The following RPGRIP1 variants were observed in gnomAD, a reference collection of about 807,000 sequenced individuals.
RPGRIP1 encodes the protein RPGR interacting protein 1, also known as X-linked retinitis pigmentosa GTPase regulator-interacting protein 1.
RPGRIP1 carries 128 observed loss-of-function variants against 157.9 expected under a neutral mutation model. The ratio of observed to expected loss-of-function variants is 0.81; its 90% CI spans 0.70 to 0.94. The LOEUF (loss-of-function observed/expected upper bound fraction) is 0.94, where lower values mean the gene tolerates loss of function less well. RPGRIP1 is among the 40% of genes least tolerant of loss of function. The probability of loss-of-function intolerance (pLI) is 0.00; values close to 1 mark genes in which losing one functional copy is unlikely to be tolerated. For synonymous variants in RPGRIP1, 554 were observed against 571.6 expected (o/e 0.97, Z 0.44); for missense variants, 1,486 against 1,545.8 (o/e 0.96, Z 0.65).
chr14:21,303,735 C>T (rs773361627), intron 6 of RPGRIP1, among the ~76,000 whole-genome samples, 192 bp downstream of exon 6: 1 of 152,070 alleles, frequency 6.6e-6, no homozygotes, highest in Non-Finnish European at 1.5e-5. Flanking sequence ...GCCTGTAATC[C>T]CAGCACTTTG....
chr14:21,316,949 G>A (rs1464573149), intron 10 of RPGRIP1, among the ~76,000 whole-genome samples: 20 of 151,616 alleles, frequency 1.3e-4, no homozygotes, highest in African/African-American at 3.1e-4. Context: ...GTAAAACCCC[G>A]TCTCTATTAA....
chr14:21,314,051 A>G (rs1422289023), intron 10 of RPGRIP1, among the ~76,000 whole-genome samples: 1 of 151,218 alleles, frequency 6.6e-6, no homozygotes, highest in Non-Finnish European at 1.5e-5. Flanking sequence ...AGGCTCAAGC[A>G]ATCTTCCCAC....
chr14:21,309,398 G>C (rs1012293862), intron 7 of RPGRIP1, among the ~76,000 whole-genome samples: 2 of 152,076 alleles, frequency 1.3e-5, no homozygotes, highest in Non-Finnish European at 2.9e-5. Context: ...TGTAGTCCTA[G>C]CTACTATGGA....
chr14:21,328,673 TC>T lies in RPGRIP1; in HGVS notation c.3099+50del, dbSNP rs758839636. ...AAGCACTAAATTGTGGGTTGTAGTG[TC>T]CCCAGATGTATTATTCTCAGAGGTA... On this transcript the variant is annotated intron_variant, in intron 19 of 24. Transcript: ENST00000400017. 31 of 1,290,500 alleles carry T rather than the reference TC, an allele frequency of 2.4e-5. No individual in the cohort carries two copies. In the South Asian group the frequency reaches 3.7e-4, roughly 15 times the overall value. The allele number at this position is 1,290,500 out of a possible 1,614,324, so 79.9% of individuals were successfully genotyped here.
Position 21,328,558 on chromosome 14 carries a change from A to G in RPGRIP1, c.3030A>G (p.Arg1010=). 2.5e-6 allele frequency: 4 copies of G among 1,613,778 alleles called. No individual in the cohort carries two copies. The highest frequency in any genetic ancestry group is 3.4e-6 in the Non-Finnish European group (4 of 1,179,740). Reference sequence around the variant, plus strand: ...ACTCAAGAAGAAAACATGGCAAAAGAATAGGTGTTCAAGGAAAGAATAGAA... The same window carrying G: ...ACTCAAGAAGAAAACATGGCAAAAGGATAGGTGTTCAAGGAAAGAATAGAA... ...VSYSRRKHGK[R]IGVQGKNRME... is the part of the protein sequence containing the mutation. Residue 1010 remains arginine (R), a synonymous_variant, in exon 19 of 25, where the codon AGA becomes AGG. Coordinates refer to ENST00000400017, the MANE Select transcript of RPGRIP1 (RefSeq NM_020366.4).
At chr14:21,348,076 A>G in intron 23 of RPGRIP1, 96 bp from the exon 24 acceptor site, 1 of 1,027,050 alleles carries the variant, frequency 9.7e-7, no homozygotes. Flanking sequence ...TGATTCAGAG[A>G]AGACGTTGTA....
chr14:21,309,261 C>T (rs146754574), intron 7 of RPGRIP1, among the ~76,000 whole-genome samples: 179 of 152,204 alleles, frequency 1.2e-3, no homozygotes, highest in African/African-American at 2.7e-3. Context: ...CCTGTAATCC[C>T]AGCACTTTGG....
chr14:21,345,509 T>A (rs969576262), intron 23 of RPGRIP1, among the ~76,000 whole-genome samples: 1 of 150,626 alleles, frequency 6.6e-6, no homozygotes, highest in African/African-American at 2.4e-5. Context: ...CTCAAGGGAT[T>A]CTTGTGCCTC....
chr14:21,350,584 T>A (rs1041084462), intron 24 of RPGRIP1, among the ~76,000 whole-genome samples: 5 of 152,180 alleles, frequency 3.3e-5, no homozygotes, highest in African/African-American at 1.2e-4. Flanking sequence ...TCCTCTAGTA[T>A]CTTTCCAACT....
rs766799083 is a variant in RPGRIP1 at position 21,304,474 on chromosome 14, T to C, written c.800+931T>C. Among the ~76,000 whole-genome samples, 12 of 151,676 alleles carry C rather than the reference T, an allele frequency of 7.9e-5. 1 individual carries two copies. The highest frequency in any genetic ancestry group is 5.9e-4 in the East Asian group (3 of 5,082). On this transcript the variant is annotated intron_variant, in intron 6 of 24. Transcript: ENST00000400017. ...AACCTAAAGGAGATAAGTTTATGTA[T>C]AAAAGGATATTTGCTGCCTCACTAT...
chr14:21,330,344 C>A lies in RPGRIP1; in HGVS notation c.3195C>A (p.Ser1065=). ...ACGAGGAAGAGGAAATGACATTATCCCATTCAGCACTGAAACAGAAGGAAC... is the reference window on the plus strand; with the variant it reads ...ACGAGGAAGAGGAAATGACATTATCACATTCAGCACTGAAACAGAAGGAAC... ...NQHEEEEMTL[S]HSALKQKEPL... is the part of the protein sequence containing the mutation. The change falls in exon 20 of 25, where the codon TCC becomes TCA. Residue 1065 remains serine, a synonymous_variant. Coordinates refer to ENST00000400017, the MANE Select transcript of RPGRIP1 (RefSeq NM_020366.4). 6.4e-7 allele frequency: 1 copy of A among 1,572,860 alleles called. No individual in the cohort carries two copies.
intron 13 of RPGRIP1, 115 bp downstream of exon 13, chr14:21,321,517 A>G (rs1882469249): frequency 6.7e-7 from 1 of 1,483,750 alleles, no homozygotes; most frequent in Non-Finnish European, 8.9e-7. Context: ...GTGATGTGCT[A>G]TCCTGAGCAA....
At chr14:21,320,370 G>C (rs1882278072) in intron 12 of RPGRIP1, among the ~76,000 whole-genome samples, 193 bp downstream of exon 12, 1 of 151,794 alleles carries the variant, frequency 6.6e-6, no homozygotes, top group Non-Finnish European at 1.5e-5. Flanking sequence ...GCTCACTGCA[G>C]GCTCCGCCCC....
intron 6 of RPGRIP1, among the ~76,000 whole-genome samples, chr14:21,307,077 A>G (rs1881346559): frequency 6.6e-6 from 1 of 151,794 alleles, no homozygotes; most frequent in Non-Finnish European, 1.5e-5. Context: ...CTCGGCCACT[A>G]TTGTTATTTT....
At chr14:21,304,399 GA>G in intron 6 of RPGRIP1, among the ~76,000 whole-genome samples, 1 of 95,030 alleles carries the variant, frequency 1.1e-5, no homozygotes. Context: ...GAGAAAGAAA[GA>G]AAGAAAGAAA....
chr14:21,287,135 C>T (rs1222080499), intron 1 of RPGRIP1, among the ~76,000 whole-genome samples: 11 of 151,722 alleles, frequency 7.3e-5, no homozygotes, highest in Admixed American at 3.9e-4. Context: ...TGGTGGCTCA[C>T]GCCTGTAATC....
At chr14:21,300,226 ACT>A (rs1249100303) in intron 3 of RPGRIP1, among the ~76,000 whole-genome samples, 1 of 151,158 alleles carries the variant, frequency 6.6e-6, no homozygotes, top group Non-Finnish European at 1.5e-5. Flanking sequence ...AATCGCTTGA[ACT>A]TGGGAGGCAG....
intron 21 of RPGRIP1, among the ~76,000 whole-genome samples, chr14:21,335,808 A>G (rs1884302273): frequency 6.6e-6 from 1 of 152,208 alleles, no homozygotes; most frequent in Non-Finnish European, 1.5e-5. Context: ...CTACGTCTCA[A>G]AAAAAAGAGA....
intron 10 of RPGRIP1, among the ~76,000 whole-genome samples, chr14:21,314,763 T>G (rs187873614): frequency 8.7e-5 from 13 of 150,060 alleles, no homozygotes; most frequent in South Asian, 2.1e-4. Flanking sequence ...GGCTCATGCC[T>G]GTACTTCTAG....
Sources: gnomAD v4.1 joint callset for allele counts (sites outside exome capture counted in the v4.1 genomes callset) on GRCh38, gnomAD v4.1.1 for gene constraint, MANE v1.5 for transcripts, NCBI Gene and HGNC (gene_info 2026-07-23, HGNC 2026-07-21) for gene names.